PDE8B: variants seen among roughly 807,000 people sequenced by gnomAD.
PDE8B encodes phosphodiesterase 8B, also known as high affinity cAMP-specific and IBMX-insensitive 3',5'-cyclic phosphodiesterase 8B.
Under a neutral mutation model 101.3 loss-of-function variants are expected in PDE8B, and 26 were observed. The ratio of observed to expected loss-of-function variants is 0.26; its 90% CI spans 0.19 to 0.36. The LOEUF is 0.36. PDE8B is among the 10% of genes least tolerant of loss of function. The probability of loss-of-function intolerance (pLI) is 1.00; values close to 1 mark genes in which losing one functional copy is unlikely to be tolerated. For missense variants in PDE8B, 810 were observed against 1,163.1 expected (o/e 0.70, Z 4.42); for synonymous variants, 424 against 429.3 (o/e 0.99, Z 0.15).
chr5:77,425,179 T>C (rs1797761731), intron 20 of PDE8B, among the ~76,000 whole-genome samples: 1 of 152,216 alleles, frequency 6.6e-6, no homozygotes, highest in Admixed American at 6.5e-5. Flanking sequence ...GAACAGAGCT[T>C]TGACTTTGCA....
intron 5 of PDE8B, among the ~76,000 whole-genome samples, chr5:77,332,423 T>G (rs2150300998): frequency 6.6e-6 from 1 of 152,294 alleles, no homozygotes; most frequent in South Asian, 2.1e-4. Context: ...GCTTAAACTA[T>G]AAACATCATG....
chr5:77,176,343 A>C, the PDE8B span, among the ~76,000 whole-genome samples: 8 of 152,210 alleles, frequency 5.3e-5, no homozygotes, highest in African/African-American at 1.9e-4. Context: ...GAGAGTGATC[A>C]ACAGAGTCTT....
Position 77,398,495 on chromosome 5 carries a change from T to C in PDE8B, c.1168-1753T>C, listed in dbSNP as rs558284846. On this transcript the variant is annotated intron_variant, in intron 10 of 21. Transcript: ENST00000264917. The stretch of plus-strand genomic sequence containing the variant: ...CCGCCACCCCACCCAGCTAATATTA[T>C]ATTTTTAGTAGAGAGGGGGTTTCAC... Among the ~76,000 whole-genome samples, 413 of 152,144 alleles carry C rather than the reference T, an allele frequency of 2.7e-3. 1 individual carries two copies. Among genetic ancestry groups the C allele is most frequent in the South Asian group, 7.1e-3 (34 of 4,810 alleles).
In PDE8B at chr5:77,309,941, A is replaced by ACCTTTTTTTTTTTTTTTTTT. The variant is rs772985826; in HGVS notation, c.340-2053_340-2052insCCTTTTTTTTTTTTTTTTTT. 2.4e-5 allele frequency among the ~76,000 whole-genome samples: 2 copies of ACCTTTTTTTTTTTTTTTTTT among 83,116 alleles called. 1 individual carries two copies. The highest frequency in any genetic ancestry group is 4.3e-5 in the Non-Finnish European group (2 of 46,546). 54.5% of individuals were successfully genotyped at this position (83,116 alleles called of 152,430 possible). ...AACTGGTTTCCCTTTTTAATCATTA[A>ACCTTTTTTTTTTTTTTTTTT]TCTTTTTTTTTTTTTTTTTTTTTTT... On this transcript the variant is annotated intron_variant, in intron 1 of 21. Coordinates refer to ENST00000264917, the MANE Select transcript of PDE8B (RefSeq NM_003719.5).
chr5:77,176,681 G>C, the PDE8B span, among the ~76,000 whole-genome samples: 2 of 152,234 alleles, frequency 1.3e-5, no homozygotes, highest in East Asian at 3.8e-4. Context: ...TGCAATAATG[G>C]AAGTGGTGGC....
At chr5:77,350,714 T>A (rs1264933170) in intron 8 of PDE8B, among the ~76,000 whole-genome samples, 1 of 152,124 alleles carries the variant, frequency 6.6e-6, no homozygotes, top group African/African-American at 2.4e-5. Context: ...ACCTGTAAAT[T>A]TAGTATGATA....
At chr5:77,244,171 C>T (rs1756386220) in intron 1 of PDE8B, among the ~76,000 whole-genome samples, 1 of 152,046 alleles carries the variant, frequency 6.6e-6, no homozygotes, top group South Asian at 2.1e-4. Flanking sequence ...GACATACAAA[C>T]TAATCAGATG....
At chr5:77,166,375 T>C in the PDE8B span, among the ~76,000 whole-genome samples, 3 of 152,124 alleles carry the variant, frequency 2.0e-5, no homozygotes, top group Non-Finnish European at 2.9e-5. Context: ...GGGCCTGAGG[T>C]CTAGGCATTA....
At chr5:77,413,721 G>T (rs766629684) in intron 17 of PDE8B, among the ~76,000 whole-genome samples, 1 of 152,028 alleles carries the variant, frequency 6.6e-6, no homozygotes, top group Non-Finnish European at 1.5e-5. Flanking sequence ...TAGCCATTCC[G>T]CATTCTACAC....
intron 6 of PDE8B, among the ~76,000 whole-genome samples, chr5:77,344,529 A>G (rs948807971): frequency 6.6e-6 from 1 of 152,206 alleles, no homozygotes; most frequent in East Asian, 1.9e-4. Flanking sequence ...TGTTCCTCAT[A>G]GATGGCACCC....
chr5:77,125,055 C>T, the PDE8B span, among the ~76,000 whole-genome samples: 1 of 152,208 alleles, frequency 6.6e-6, no homozygotes, highest in African/African-American at 2.4e-5. Context: ...CAGTGGCACT[C>T]ATAGCTCACT....
intron 10 of PDE8B, among the ~76,000 whole-genome samples, chr5:77,395,678 C>CT (rs1343585135): frequency 6.6e-6 from 1 of 152,064 alleles, no homozygotes; most frequent in Non-Finnish European, 1.5e-5. Flanking sequence ...GCTTCCTGAA[C>CT]TTTTAATTTT....
the PDE8B span, among the ~76,000 whole-genome samples, chr5:77,137,315 G>T: frequency 6.6e-6 from 1 of 152,316 alleles, no homozygotes; most frequent in Admixed American, 6.5e-5. Flanking sequence ...GGACCCACAG[G>T]GGTGAACAAA....
chr5:77,178,687 G>A, the PDE8B span, among the ~76,000 whole-genome samples: 9 of 152,062 alleles, frequency 5.9e-5, no homozygotes, highest in Non-Finnish European at 1.2e-4. Flanking sequence ...TCAGAGCCTG[G>A]GCATGGCTTT....
At chr5:77,273,879 A>G (rs1281061125) in intron 1 of PDE8B, among the ~76,000 whole-genome samples, 2 of 151,228 alleles carry the variant, frequency 1.3e-5, no homozygotes, top group Non-Finnish European at 2.9e-5. Context: ...CTGGAGTGCA[A>G]TGGCATGATC....
intron 3 of PDE8B, among the ~76,000 whole-genome samples, chr5:77,327,876 C>A (rs78947288): frequency 6.6e-5 from 10 of 152,160 alleles, no homozygotes; most frequent in East Asian, 1.9e-4. Flanking sequence ...GCCTTCCCCC[C>A]ACACAGTGTG....
the PDE8B span, among the ~76,000 whole-genome samples, chr5:77,131,774 A>G: frequency 6.6e-6 from 1 of 152,188 alleles, no homozygotes; most frequent in East Asian, 1.9e-4. Context: ...GATCTTAACA[A>G]AAGGCTTTTT....
intron 20 of PDE8B, 74 bp from the exon 21 acceptor site, chr5:77,425,693 T>C (rs1797925049): frequency 1.3e-6 from 2 of 1,486,956 alleles, no homozygotes; most frequent in Non-Finnish European, 1.9e-6. Flanking sequence ...CACAGGGTTG[T>C]TCTGAGAAAC....
intron 19 of PDE8B, among the ~76,000 whole-genome samples, chr5:77,420,750 A>G (rs1222041011): frequency 6.6e-6 from 1 of 152,132 alleles, no homozygotes; most frequent in Admixed American, 6.5e-5. Context: ...GGATCTGGGG[A>G]TTTAGAGAAG....
Sources: allele counts gnomAD v4.1 joint callset (sites outside exome capture counted in the v4.1 genomes callset), GRCh38; gene constraint gnomAD v4.1.1; transcripts MANE v1.5; gene names NCBI Gene and HGNC (gene_info 2026-07-23, HGNC 2026-07-21).